MACF1: variants seen among roughly 807,000 people sequenced by gnomAD.
MACF1 encodes the protein microtubule actin crosslinking factor 1, also known as microtubule-actin cross-linking factor 1.
A neutral mutation model predicts 854.8 loss-of-function variants in MACF1; 193 were observed. The observed-to-expected ratio is 0.23, with a 90% CI of 0.20 to 0.25. The LOEUF (loss-of-function observed/expected upper bound fraction) is 0.25. MACF1 is among the 10% of genes least tolerant of loss of function. The pLI is 1.00. For missense variants in MACF1, 7,722 were observed against 8,929.1 expected, an observed-to-expected ratio of 0.86 and a Z score of 5.45; for synonymous variants, 3,185 against 3,226.7, an observed-to-expected ratio of 0.99 and a Z score of 0.44.
At chr1:39,104,023 C>T (rs1642159383) in intron 2 of MACF1, among the ~76,000 whole-genome samples, 1 of 152,212 alleles carries the variant, frequency 6.6e-6, no homozygotes. Context: ...CCTTCAAACT[C>T]TTGAGAATGG....
chr1:39,358,531 C>G (rs1364436512), intron 45 of MACF1, among the ~76,000 whole-genome samples, 166 bp from the exon 46 acceptor site: 2 of 152,154 alleles, frequency 1.3e-5, no homozygotes, highest in African/African-American at 4.8e-5. Flanking sequence ...CAATGGGGAC[C>G]CACACTTAGA....
intron 58 of MACF1, chr1:39,410,384 A>C: frequency 3.7e-6 from 6 of 1,613,998 alleles, no homozygotes; most frequent in Non-Finnish European, 5.1e-6. Flanking sequence ...TCTATATATG[A>C]TACGATGAGG....
Position 39,379,191 on chromosome 1 carries a change from CTA to C in MACF1, c.13277-10_13277-9del, listed in dbSNP as rs1649980309. 6.4e-7 allele frequency: 1 copy of C among 1,561,044 alleles called. No homozygotes were observed. The highest frequency in any genetic ancestry group is 8.7e-7 in the Non-Finnish European group (1 of 1,154,376). ...GCTGTCTCCAATCTGATTTCTGTTT[CTA>C]TGATACTAGATCTGACGGAGATCCA... On this transcript the variant is annotated splice_polypyrimidine_tract_variant and intron_variant, in intron 53 of 100. Coordinates refer to ENST00000564288, the MANE Select transcript of MACF1 (RefSeq NM_001394062.1).
At chr1:39,327,556 T>C (rs1646639323) in intron 36 of MACF1, among the ~76,000 whole-genome samples, 1 of 152,198 alleles carries the variant, frequency 6.6e-6, no homozygotes, top group African/African-American at 2.4e-5. Context: ...TAGAAGACAC[T>C]TACAACTAAC....
chr1:39,451,612 A>G (rs1469932019), intron 85 of MACF1, among the ~76,000 whole-genome samples: 1 of 152,058 alleles, frequency 6.6e-6, no homozygotes, highest in Non-Finnish European at 1.5e-5. Context: ...AATATTTAAC[A>G]TAATCTCTAT....
chr1:39,293,707 T>C, intron 18 of MACF1, 88 bp downstream of exon 18: 2 of 1,309,500 alleles, frequency 1.5e-6, no homozygotes, highest in Admixed American at 2.1e-5. Context: ...CTTGGGTGGC[T>C]GGAGTTGCAC....
At chr1:39,411,317 CAGATG>C in intron 58 of MACF1, 1 of 1,613,984 alleles carries the variant, frequency 6.2e-7, no homozygotes, top group Non-Finnish European at 8.5e-7. Flanking sequence ...TTTCTGATGG[CAGATG>C]AGAAGAACAG....
chr1:39,091,575 A>G (rs916815742), intron 2 of MACF1, among the ~76,000 whole-genome samples: 3 of 152,010 alleles, frequency 2.0e-5, no homozygotes, highest in Non-Finnish European at 4.4e-5. Flanking sequence ...GGCTTACTGC[A>G]GCCTCCACCT....
At chr1:39,412,172 G>A in intron 58 of MACF1, 2 of 1,613,962 alleles carry the variant, frequency 1.2e-6, no homozygotes, top group Non-Finnish European at 1.7e-6. Flanking sequence ...CAGGGAGACT[G>A]CAGTCAAACT....
At chr1:39,414,309 A>G (rs1243422151) in intron 58 of MACF1, 3 of 1,613,886 alleles carry the variant, frequency 1.9e-6, no homozygotes, top group African/African-American at 1.3e-5. Context: ...ACACTGACTC[A>G]GTGCCTATTT....
intron 6 of MACF1, among the ~76,000 whole-genome samples, chr1:39,260,755 C>A (rs1425212431): frequency 6.6e-6 from 1 of 152,064 alleles, no homozygotes; most frequent in African/African-American, 2.4e-5. Flanking sequence ...AAACAAAAAA[C>A]CCCATGAATT....
intron 2 of MACF1, among the ~76,000 whole-genome samples, chr1:39,163,776 G>C (rs546213727): frequency 6.6e-6 from 1 of 152,258 alleles, no homozygotes; most frequent in South Asian, 2.1e-4. Flanking sequence ...CCCTCAGAGA[G>C]TGAATTCTTT....
At chr1:39,270,687 T>G (rs1645299092) in intron 6 of MACF1, among the ~76,000 whole-genome samples, 3 of 152,152 alleles carry the variant, frequency 2.0e-5, no homozygotes. Context: ...AATAAAAACA[T>G]TAGGACTTCA....
chr1:39,430,229 ATATGT>A (rs368128487), intron 65 of MACF1, among the ~76,000 whole-genome samples, 161 bp downstream of exon 65: 4 of 152,162 alleles, frequency 2.6e-5, no homozygotes, highest in African/African-American at 7.2e-5. Flanking sequence ...TACGTTACAC[ATATGT>A]TATGAAGAAG....
At chr1:39,476,356 G>T (rs1296647518) in intron 97 of MACF1, among the ~76,000 whole-genome samples, 1 of 152,172 alleles carries the variant, frequency 6.6e-6, no homozygotes, top group African/African-American at 2.4e-5. Flanking sequence ...AGATCACGAG[G>T]TCAGGAGATG....
intron 95 of MACF1, among the ~76,000 whole-genome samples, chr1:39,465,673 T>C (rs1258676673): frequency 4.6e-5 from 7 of 152,238 alleles, no homozygotes; most frequent in Non-Finnish European, 1.0e-4. Context: ...CAAAAAAGAT[T>C]GGATGCTTTG....
chr1:39,360,751 A>G, intron 47 of MACF1, 42 bp from the exon 48 acceptor site: 1 of 1,232,742 alleles, frequency 8.1e-7, no homozygotes, highest in South Asian at 1.5e-5. Context: ...GCATAATACA[A>G]AAATTGTCTC....
At chr1:39,191,896 C>G (rs1189092837) in intron 2 of MACF1, among the ~76,000 whole-genome samples, 3 of 152,070 alleles carry the variant, frequency 2.0e-5, no homozygotes, top group Admixed American at 1.3e-4. Flanking sequence ...GGCACGGTGG[C>G]TCCCAGCACT....
chr1:39,196,266 G>T (rs1395047806), intron 2 of MACF1, among the ~76,000 whole-genome samples: 7 of 152,140 alleles, frequency 4.6e-5, no homozygotes, highest in Non-Finnish European at 7.3e-5. Flanking sequence ...CTATGTATAC[G>T]GAGCAATAAA....
Sources: gnomAD v4.1 joint callset for allele counts (sites outside exome capture counted in the v4.1 genomes callset) on GRCh38, gnomAD v4.1.1 for gene constraint, MANE v1.5 for transcripts, NCBI Gene and HGNC (gene_info 2026-07-23, HGNC 2026-07-21) for gene names.